SMURF2: variants seen among roughly 807,000 people sequenced by gnomAD.
SMURF2 encodes the protein SMAD specific E3 ubiquitin protein ligase 2.
SMURF2 carries 48 observed loss-of-function variants against 109.6 expected under a neutral mutation model. The observed-to-expected ratio is 0.44, with a 90% CI of 0.35 to 0.56. SMURF2 has a LOEUF of 0.56. Ranked by LOEUF, SMURF2 falls within the 20% of genes least tolerant of loss-of-function variation. The probability of loss-of-function intolerance (pLI) is 0.01; values close to 1 mark genes in which losing one functional copy is unlikely to be tolerated. For missense variants in SMURF2, 575 were observed against 909.0 expected (o/e 0.63, Z 4.72); for synonymous variants, 288 against 317.1 (o/e 0.91, Z 0.97).
intron 1 of SMURF2, among the ~76,000 whole-genome samples, chr17:64,615,174 AC>A (rs1264633609): frequency 1.3e-5 from 2 of 152,070 alleles, no homozygotes; most frequent in Non-Finnish European, 2.9e-5. Flanking sequence ...GCTCCCAACT[AC>A]TTAGTATATC....
intron 1 of SMURF2, among the ~76,000 whole-genome samples, chr17:64,649,627 A>T (rs1429869332): frequency 1.1e-4 from 17 of 152,144 alleles, no homozygotes; most frequent in Admixed American, 1.1e-3. Flanking sequence ...GTATCACTTA[A>T]GATAAGGAGT....
intron 1 of SMURF2, among the ~76,000 whole-genome samples, chr17:64,661,253 T>C (rs1420032740): frequency 1.3e-5 from 2 of 151,996 alleles, no homozygotes; most frequent in Non-Finnish European, 2.9e-5. Flanking sequence ...AGTCAACCTG[T>C]CTCCTCACCT....
intron 12 of SMURF2, among the ~76,000 whole-genome samples, chr17:64,559,571 G>A (rs1238795004): frequency 6.6e-6 from 1 of 151,222 alleles, no homozygotes; most frequent in Non-Finnish European, 1.5e-5. Context: ...CCAGCCTGGC[G>A]ACAGAGTGAG....
chr17:64,594,160 G>T (rs1186002311), intron 3 of SMURF2: 1 of 152,252 alleles, frequency 6.6e-6, no homozygotes, highest in African/African-American at 2.4e-5. Flanking sequence ...GCATATGCCT[G>T]TAAGTATGTA....
intron 1 of SMURF2, among the ~76,000 whole-genome samples, chr17:64,658,230 G>A (rs1344042804): frequency 6.6e-6 from 1 of 152,012 alleles, no homozygotes; most frequent in Admixed American, 6.6e-5. Flanking sequence ...GGTGGTGGGC[G>A]CCTGTAATCC....
intron 10 of SMURF2, 169 bp from the exon 11 acceptor site, chr17:64,563,135 AAAGTTTATTTCTCATAGTCCACAT>A: frequency 1.8e-6 from 1 of 549,138 alleles, no homozygotes; most frequent in Non-Finnish European, 3.1e-6. Flanking sequence ...AACCAGCTAC[AAAGTTTATTTCTCATAGTCCACAT>A]AAACTGACAG....
intron 4 of SMURF2, among the ~76,000 whole-genome samples, chr17:64,592,661 A>G (rs1555687785): frequency 6.6e-6 from 1 of 152,186 alleles, no homozygotes; most frequent in Non-Finnish European, 1.5e-5. Flanking sequence ...TATTTTTTAC[A>G]TTATATAAAA....
At chr17:64,589,054 G>A (rs1470525253) in intron 5 of SMURF2, among the ~76,000 whole-genome samples, 1 of 152,134 alleles carries the variant, frequency 6.6e-6, no homozygotes, top group African/African-American at 2.4e-5. Context: ...GTTTTTGAAT[G>A]ACAAAACTAA....
intron 5 of SMURF2, among the ~76,000 whole-genome samples, chr17:64,587,942 T>C (rs1252050910): frequency 1.3e-5 from 2 of 151,996 alleles, no homozygotes; most frequent in East Asian, 3.9e-4. Flanking sequence ...CAGAATGCTA[T>C]GTTAATAGCA....
chr17:64,585,365 CTAAT>C (rs1176748027), intron 6 of SMURF2, among the ~76,000 whole-genome samples: 1 of 152,054 alleles, frequency 6.6e-6, no homozygotes, highest in African/African-American at 2.4e-5. Flanking sequence ...ATAATAGTAG[CTAAT>C]TATTTACTAA....
At chr17:64,653,387 T>A (rs964667409) in intron 1 of SMURF2, among the ~76,000 whole-genome samples, 1 of 151,922 alleles carries the variant, frequency 6.6e-6, no homozygotes, top group Non-Finnish European at 1.5e-5. Flanking sequence ...AAAGACAGTA[T>A]CAAGTGCTGA....
intron 1 of SMURF2, among the ~76,000 whole-genome samples, chr17:64,648,732 C>T (rs1970594480): frequency 6.6e-6 from 1 of 151,952 alleles, no homozygotes; most frequent in South Asian, 2.1e-4. Flanking sequence ...TAAGCCTGAG[C>T]GACAGAGTGA....
rs1970790490 is a variant in SMURF2, at chr17:64,662,096, C to CGG, written c.-218_-217dup. On this transcript the variant is annotated 5_prime_UTR_variant, in exon 1 of 19. Coordinates refer to ENST00000262435, the MANE Select transcript of SMURF2 (RefSeq NM_022739.4). ...TCCTCCCACTTCTCCTTCCTCGGCC[C>CGG]GGGCCGCACAACAAAGCGGCAGCCG... is the stretch of plus-strand genomic sequence containing the variant. 9.4e-7 allele frequency: 1 copy of CGG among 1,063,392 alleles called. No individual in the cohort carries two copies. The highest frequency in any genetic ancestry group is 6.4e-5 in the East Asian group (1 of 15,688). 65.9% of individuals were successfully genotyped at this position (1,063,392 alleles called of 1,614,324 possible).
chr17:64,631,324 G>GAGAC (rs1568203030), intron 1 of SMURF2, among the ~76,000 whole-genome samples: 3 of 122,372 alleles, frequency 2.5e-5, no homozygotes, highest in African/African-American at 1.0e-4. Context: ...GAGAGAGAGA[G>GAGAC]AGACAGAGAG....
At chr17:64,591,009 T>C (rs1555687672) in intron 5 of SMURF2, 75 bp downstream of exon 5, 14 of 1,093,452 alleles carry the variant, frequency 1.3e-5, no homozygotes, top group Middle Eastern at 2.0e-4. Context: ...GTTATTATAC[T>C]TTGATTTAAA....
chr17:64,622,976 C>T (rs1970224510), intron 1 of SMURF2, among the ~76,000 whole-genome samples: 1 of 152,076 alleles, frequency 6.6e-6, no homozygotes, highest in Admixed American at 6.6e-5. Context: ...GGTTATAATC[C>T]AATACTACTT....
intron 7 of SMURF2, among the ~76,000 whole-genome samples, chr17:64,582,076 C>T (rs1441281524): frequency 6.6e-6 from 1 of 151,940 alleles, no homozygotes; most frequent in Non-Finnish European, 1.5e-5. Context: ...CAAGTGAAAC[C>T]TTGAACACTG....
At chr17:64,584,347 C>T (rs1969618703) in intron 6 of SMURF2, among the ~76,000 whole-genome samples, 1 of 138,084 alleles carries the variant, frequency 7.2e-6, no homozygotes, top group Non-Finnish European at 1.5e-5. Flanking sequence ...GAAACAGCTA[C>T]TTTCTTTTTT....
chr17:64,555,721 A>G (rs1003367592), intron 14 of SMURF2, 99 bp downstream of exon 14: 32 of 765,554 alleles, frequency 4.2e-5, no homozygotes, highest in African/African-American at 2.1e-4. Context: ...TAACCACTCA[A>G]TATTTTCTGT....
Sources: gnomAD v4.1 joint callset for allele counts (sites outside exome capture counted in the v4.1 genomes callset) on GRCh38, gnomAD v4.1.1 for gene constraint, MANE v1.5 for transcripts, NCBI Gene and HGNC (gene_info 2026-07-23, HGNC 2026-07-21) for gene names.